The following EDIL3 variants were observed in gnomAD, a reference collection of about 807,000 sequenced individuals.
EDIL3 encodes the protein EGF like and discoidin domains 3.
A neutral mutation model predicts 67.4 loss-of-function variants in EDIL3; 37 were observed. The observed-to-expected ratio is 0.55, with a 90% CI of 0.42 to 0.72. EDIL3 has a LOEUF of 0.72. Ranked by LOEUF, EDIL3 falls within the 30% of genes least tolerant of loss-of-function variation. The pLI, the probability that EDIL3 is intolerant of heterozygous loss-of-function variation, is 0.00. For synonymous variants in EDIL3, 195 were observed against 196.3 expected, an observed-to-expected ratio of 0.99 and a Z score of 0.05; for missense variants, 527 against 586.3, an observed-to-expected ratio of 0.90 and a Z score of 1.04.
At chr5:84,372,090 C>A (rs305643) in intron 1 of EDIL3, among the ~76,000 whole-genome samples, 1,630 of 152,092 alleles carry the variant, frequency 0.011, 34 homozygotes, top group African/African-American at 0.038. Flanking sequence ...TACAGACTAA[C>A]GTATGTGGCG....
intron 3 of EDIL3, among the ~76,000 whole-genome samples, chr5:84,229,082 G>A (rs959284013): frequency 2.0e-5 from 3 of 151,990 alleles, no homozygotes; most frequent in Non-Finnish European, 2.9e-5. Flanking sequence ...GATGTTGCTG[G>A]TATGTTAGTC....
intron 1 of EDIL3, among the ~76,000 whole-genome samples, chr5:84,369,235 TAC>T (rs1554044613): frequency 8.7e-6 from 1 of 114,638 alleles, no homozygotes; most frequent in Non-Finnish European, 2.0e-5. Context: ...TATATAAACA[TAC>T]ACACACATAT....
intron 3 of EDIL3, among the ~76,000 whole-genome samples, chr5:84,186,230 A>C (rs1743442391): frequency 1.3e-5 from 2 of 152,108 alleles, no homozygotes; most frequent in Non-Finnish European, 2.9e-5. Flanking sequence ...AAGGTCTTGT[A>C]ACACTATAAG....
chr5:84,210,993 G>A (rs139697221), intron 3 of EDIL3, among the ~76,000 whole-genome samples: 4 of 152,196 alleles, frequency 2.6e-5, no homozygotes, highest in Admixed American at 6.5e-5. Context: ...ATGGTGCTCC[G>A]CCACCCCGCC....
chr5:84,092,466 G>C (rs372215254), intron 6 of EDIL3, among the ~76,000 whole-genome samples: 5 of 152,242 alleles, frequency 3.3e-5, no homozygotes, highest in African/African-American at 1.2e-4. Context: ...TGTCTACTGA[G>C]AGTCTGCTAA....
At chr5:84,266,605 G>A (rs981894980) in intron 1 of EDIL3, among the ~76,000 whole-genome samples, 1 of 152,140 alleles carries the variant, frequency 6.6e-6, no homozygotes, top group Non-Finnish European at 1.5e-5. Context: ...TGACTGCCTT[G>A]GCAAGGAACT....
intron 9 of EDIL3, among the ~76,000 whole-genome samples, chr5:83,993,960 C>T (rs1468666454): frequency 1.3e-5 from 2 of 152,074 alleles, no homozygotes; most frequent in African/African-American, 4.8e-5. Context: ...TATATTACAC[C>T]CACCTTCTTA....
chr5:83,965,479 C>T (rs897836659), intron 9 of EDIL3, among the ~76,000 whole-genome samples: 2 of 152,008 alleles, frequency 1.3e-5, no homozygotes, highest in Non-Finnish European at 1.5e-5. Flanking sequence ...TCTTAAAGAA[C>T]AGAGTTGGTG....
At chr5:84,288,510 T>A (rs1580056574) in intron 1 of EDIL3, among the ~76,000 whole-genome samples, 1 of 152,100 alleles carries the variant, frequency 6.6e-6, no homozygotes, top group Admixed American at 6.6e-5. Context: ...CCTGACCAAC[T>A]GAAATTCATG....
intron 4 of EDIL3, among the ~76,000 whole-genome samples, chr5:84,175,989 T>C (rs1226552675): frequency 6.6e-6 from 1 of 151,710 alleles, no homozygotes; most frequent in South Asian, 2.1e-4. Context: ...GCAAATATCA[T>C]TGACTAACTT....
At chr5:84,232,444 T>C (rs996912029) in intron 2 of EDIL3, among the ~76,000 whole-genome samples, 1 of 152,118 alleles carries the variant, frequency 6.6e-6, no homozygotes, top group East Asian at 1.9e-4. Flanking sequence ...TTTTCCATTA[T>C]GTAAGAACAA....
chr5:84,347,698 C>A (rs906088034), intron 1 of EDIL3, among the ~76,000 whole-genome samples: 2 of 152,182 alleles, frequency 1.3e-5, no homozygotes, highest in Non-Finnish European at 2.9e-5. Flanking sequence ...CCATTATATT[C>A]ATCTTCTTTC....
At chr5:84,031,166 G>A (rs958448620) in intron 9 of EDIL3, among the ~76,000 whole-genome samples, 1 of 152,106 alleles carries the variant, frequency 6.6e-6, no homozygotes, top group African/African-American at 2.4e-5. Context: ...CCTATTTAAA[G>A]ATGCTATCTC....
intron 5 of EDIL3, among the ~76,000 whole-genome samples, chr5:84,111,315 C>T (rs950201185): frequency 2.6e-5 from 4 of 152,076 alleles, no homozygotes; most frequent in African/African-American, 9.7e-5. Flanking sequence ...GAATTAAATA[C>T]CTACAGTTTA....
chr5:84,264,879 C>A lies in EDIL3; in HGVS notation c.68-10667G>T, dbSNP rs182381699. Reference sequence around the variant, plus strand: ...GCTACAAAAAAGATGAAATTCAGTGCCACGTCCAGCTGTAGAAGTTTCACA... The same window carrying A: ...GCTACAAAAAAGATGAAATTCAGTGACACGTCCAGCTGTAGAAGTTTCACA... On this transcript the variant is annotated intron_variant, in intron 1 of 10. Coordinates refer to ENST00000296591, the MANE Select transcript of EDIL3 (RefSeq NM_005711.5). Among the ~76,000 whole-genome samples, 377 of 152,248 alleles carry A rather than the reference C, an allele frequency of 2.5e-3. 1 individual carries two copies. The highest frequency in any genetic ancestry group is 8.4e-3 in the African/African-American group (350 of 41,550).
At position 84,066,302 on chromosome 5, in the gene EDIL3, C is replaced by A. The variant is rs983824553; in HGVS notation, c.807+149G>T. 8 of 800,106 alleles carry A rather than the reference C, an allele frequency of 1.0e-5. No individual in the cohort carries two copies. In the Admixed American group the frequency reaches 2.0e-4, roughly 20 times the overall value. 49.6% of individuals were successfully genotyped at this position (800,106 alleles called of 1,614,324 possible). A position where few individuals can be genotyped will look rare whatever the true frequency, so the allele number is the denominator to read the frequency against. ...TTTATAAACTGGAGAATTACTACTT[C>A]CTTCATCACACTAGCCCAATTAAAA... On this transcript the variant is annotated intron_variant, in intron 7 of 10. Transcript: ENST00000296591.
chr5:84,005,501 G>A (rs531995594), intron 9 of EDIL3, among the ~76,000 whole-genome samples: 32 of 152,116 alleles, frequency 2.1e-4, no homozygotes, highest in African/African-American at 7.5e-4. Flanking sequence ...CTTATTCCTG[G>A]GATACAAGGT....
intron 9 of EDIL3, among the ~76,000 whole-genome samples, chr5:83,970,455 C>T (rs1042307448): frequency 7.4e-5 from 11 of 148,288 alleles, no homozygotes; most frequent in African/African-American, 2.5e-4. Context: ...TTTTACTATA[C>T]TCAAATGTAT....
intron 10 of EDIL3, among the ~76,000 whole-genome samples, chr5:83,947,749 A>G (rs1744339660): frequency 6.6e-6 from 1 of 151,854 alleles, no homozygotes; most frequent in Non-Finnish European, 1.5e-5. Context: ...CTCTCACTTC[A>G]GTCTATTGAA....
Sources: gnomAD v4.1 joint callset for allele counts (sites outside exome capture counted in the v4.1 genomes callset) on GRCh38, gnomAD v4.1.1 for gene constraint, MANE v1.5 for transcripts, NCBI Gene and HGNC (gene_info 2026-07-23, HGNC 2026-07-21) for gene names.